SRGAP2: variants seen among roughly 807,000 people sequenced by gnomAD.
SRGAP2 encodes SLIT-ROBO Rho GTPase-activating protein 2.
A neutral mutation model predicts 57.2 loss-of-function variants in SRGAP2; 15 were observed. That is an observed-to-expected ratio of 0.26 (90% CI 0.18 to 0.40). SRGAP2 has a LOEUF of 0.40. SRGAP2 is among the 10% of genes least tolerant of loss of function. The pLI is 1.00. For missense variants in SRGAP2, 520 were observed against 669.6 expected (o/e 0.78, Z 2.47); for synonymous variants, 249 against 248.0 (o/e 1.00, Z -0.04).
intron 4 of SRGAP2, among the ~76,000 whole-genome samples, chr1:206,347,164 A>T (rs1197064970): frequency 6.7e-6 from 1 of 149,484 alleles, no homozygotes; most frequent in Non-Finnish European, 1.5e-5. Flanking sequence ...GACGGGAAGG[A>T]TCACTTGAGC....
chr1:206,237,141 A>G (rs1414428953), intron 2 of SRGAP2, among the ~76,000 whole-genome samples: 1 of 151,660 alleles, frequency 6.6e-6, no homozygotes, highest in East Asian at 1.9e-4. Flanking sequence ...AGGTGCCCGT[A>G]ATCCCAGCTA....
intron 2 of SRGAP2, among the ~76,000 whole-genome samples, chr1:206,275,877 A>G (rs1425529200): frequency 6.6e-6 from 1 of 151,926 alleles, no homozygotes; most frequent in Admixed American, 6.5e-5. Context: ...GGCCTCCCAA[A>G]GTGCTGGGAT....
chr1:206,241,544 AG>A (rs1401716048), intron 2 of SRGAP2, among the ~76,000 whole-genome samples: 5 of 151,420 alleles, frequency 3.3e-5, no homozygotes, highest in African/African-American at 1.2e-4. Flanking sequence ...CAGGGTTATC[AG>A]GTCCACAAAG....
In SRGAP2 at chr1:206,240,368, A is replaced by G. The variant is rs555331087; in HGVS notation, c.67+34331A>G. On this transcript the variant is annotated intron_variant, in intron 2 of 22. Transcript: ENST00000573034. ...AACTCAGGAATTCTAGACTAGGGGG[A>G]GAATTTTGCAGTGCTTTTGAGCATG... Among the ~76,000 whole-genome samples the G allele has an allele frequency of 2.6e-5, 4 of 151,340 alleles. No individual in the cohort carries two copies. In the South Asian group the frequency reaches 8.4e-4, roughly 32 times the overall value.
intron 14 of SRGAP2, among the ~76,000 whole-genome samples, chr1:206,436,372 G>A (rs1166299050): frequency 1.3e-5 from 2 of 148,478 alleles, no homozygotes; most frequent in Non-Finnish European, 3.0e-5. Flanking sequence ...TTTTCTTTGA[G>A]ATAGAGTCCA....
At chr1:206,371,882 A>G (rs1654590778) in intron 4 of SRGAP2, among the ~76,000 whole-genome samples, 1 of 90,546 alleles carries the variant, frequency 1.1e-5, no homozygotes, top group Non-Finnish European at 2.0e-5. Context: ...CGGTGGCACA[A>G]TTATAGCTCA....
At chr1:206,419,928 T>G (rs1660146573) in intron 12 of SRGAP2, among the ~76,000 whole-genome samples, 1 of 152,132 alleles carries the variant, frequency 6.6e-6, no homozygotes, top group South Asian at 2.1e-4. Flanking sequence ...AATATTTGCC[T>G]GATGTACAAG....
At chr1:206,276,734 C>T (rs1236933265) in intron 2 of SRGAP2, among the ~76,000 whole-genome samples, 2 of 152,144 alleles carry the variant, frequency 1.3e-5, no homozygotes, top group Admixed American at 1.3e-4. Flanking sequence ...ATAAACCTAC[C>T]TCTCTCCAGG....
At chr1:206,221,391 A>G (rs1346226618) in intron 2 of SRGAP2, among the ~76,000 whole-genome samples, 11 of 149,620 alleles carry the variant, frequency 7.4e-5, no homozygotes, top group Non-Finnish European at 5.9e-5. Context: ...CAAAGAAACC[A>G]TTTTTTTTTT....
At chr1:206,326,809 A>G (rs571975887) in intron 3 of SRGAP2, among the ~76,000 whole-genome samples, 2 of 152,336 alleles carry the variant, frequency 1.3e-5, no homozygotes, top group African/African-American at 4.8e-5. Flanking sequence ...TGCATTAGGC[A>G]CAGAAGATTC....
At chr1:206,277,086 T>A (rs1464443113) in intron 2 of SRGAP2, among the ~76,000 whole-genome samples, 1 of 151,962 alleles carries the variant, frequency 6.6e-6, no homozygotes, top group African/African-American at 2.4e-5. Flanking sequence ...TGCGTCAGCC[T>A]CCCGAGTAGC....
intron 2 of SRGAP2, among the ~76,000 whole-genome samples, chr1:206,286,088 T>C (rs1195568200): frequency 1.3e-5 from 2 of 151,480 alleles, no homozygotes; most frequent in Non-Finnish European, 2.9e-5. Flanking sequence ...TGCAAATTTT[T>C]ATTCTTACTC....
At chr1:206,325,578 C>G (rs1297506612) in intron 3 of SRGAP2, among the ~76,000 whole-genome samples, 1 of 150,946 alleles carries the variant, frequency 6.6e-6, no homozygotes, top group Non-Finnish European at 1.5e-5. Flanking sequence ...CTCCTGACCT[C>G]AAGTGATCTG....
At chr1:206,223,067 C>A (rs1293436693) in intron 2 of SRGAP2, among the ~76,000 whole-genome samples, 1 of 151,680 alleles carries the variant, frequency 6.6e-6, no homozygotes, top group African/African-American at 2.4e-5. Context: ...AGCCACCGTG[C>A]CCGGCCTCAG....
chr1:206,461,409 T>C lies in SRGAP2; in HGVS notation c.3205T>C (p.Cys1069Arg), dbSNP rs371240334. Residue 1069 changes from cysteine (C) to arginine (R), a missense_variant, in exon 23 of 23, where the codon TGT becomes CGT. Transcript: ENST00000573034. ...TTCCCCACAGTCTACTGACAAGTCT[T>C]GTACTGTCTGAGGGATAATAATTTA... ...STSPQSTDKS[C>R]TV 2.6e-6 allele frequency: 2 copies of C among 772,228 alleles called. No individual in the cohort carries two copies. Among genetic ancestry groups the C allele is most frequent in the African/African-American group, 3.4e-5 (2 of 58,944 alleles). 47.8% of individuals were successfully genotyped at this position (772,228 alleles called of 1,614,324 possible).
chr1:206,296,873 A>T (rs1307089984), intron 2 of SRGAP2: 1 of 152,358 alleles, frequency 6.6e-6, no homozygotes, highest in African/African-American at 2.4e-5. Flanking sequence ...CCCATAGGTA[A>T]GTAATGTCAG....
Position 206,276,816 on chromosome 1 carries a change from G to T in SRGAP2, c.68-26465G>T, listed in dbSNP as rs1358843393. Among the ~76,000 whole-genome samples, 9 of 152,232 alleles carry T rather than the reference G, an allele frequency of 5.9e-5. No homozygotes were observed. In the East Asian group the frequency reaches 1.7e-3, roughly 29 times the overall value. On this transcript the variant is annotated intron_variant, in intron 2 of 22. Transcript: ENST00000573034. Reference sequence around the variant, plus strand: ...TCTTTTATTTTGTTTTTAGGGTGGTGCCCTTCCCACAGGGAAGCAAGCTGC... The same window carrying T: ...TCTTTTATTTTGTTTTTAGGGTGGTTCCCTTCCCACAGGGAAGCAAGCTGC...
intron 18 of SRGAP2, among the ~76,000 whole-genome samples, chr1:206,448,495 C>T (rs1553374666): frequency 6.6e-6 from 1 of 152,208 alleles, no homozygotes; most frequent in East Asian, 1.9e-4. Flanking sequence ...AAAGCATCCT[C>T]TTGCCTTTCT....
intron 2 of SRGAP2, among the ~76,000 whole-genome samples, chr1:206,285,575 C>T (rs1479062603): frequency 1.3e-5 from 2 of 152,074 alleles, no homozygotes; most frequent in African/African-American, 2.4e-5. Flanking sequence ...TCACTGGCCT[C>T]TGTGATTCTG....
Sources: allele counts gnomAD v4.1 joint callset (sites outside exome capture counted in the v4.1 genomes callset), GRCh38; gene constraint gnomAD v4.1.1; transcripts MANE v1.5; gene names NCBI Gene and HGNC (gene_info 2026-07-23, HGNC 2026-07-21).